ATXN1: variants seen among roughly 807,000 people sequenced by gnomAD.
ATXN1 encodes ataxin-1.
Under a neutral mutation model 56.4 loss-of-function variants are expected in ATXN1, and 8 were observed. The ratio of observed to expected loss-of-function variants is 0.14; its 90% CI spans 0.08 to 0.26. ATXN1 has a LOEUF of 0.26. Ranked by LOEUF, ATXN1 falls within the 10% of genes least tolerant of loss-of-function variation. ATXN1 has a pLI of 1.00. For missense variants in ATXN1, 987 were observed against 1,106.5 expected, an observed-to-expected ratio of 0.89 and a Z score of 1.53; for synonymous variants, 514 against 494.6, an observed-to-expected ratio of 1.04 and a Z score of -0.52.
rs550768407 is a variant in ATXN1 at position 16,464,857 on chromosome 6, C to T, written c.-161+21115G>A. 1.5e-4 allele frequency among the ~76,000 whole-genome samples: 23 copies of T among 151,580 alleles called. 1 individual carries two copies. The South Asian group carries it at 3.5e-3, about 23-fold the overall frequency. ...TATTTGTCAAACACAGAATGTACAA[C>T]AGGAAGAATGAACTCTAACATGAAC... On this transcript the variant is annotated intron_variant, in intron 6 of 7. Transcript: ENST00000436367.
chr6:16,357,151 A>G (rs1383970473), intron 6 of ATXN1, among the ~76,000 whole-genome samples: 1 of 152,188 alleles, frequency 6.6e-6, no homozygotes, highest in Non-Finnish European at 1.5e-5. Context: ...CTTATTTTAT[A>G]GGTGGCGAAA....
chr6:16,615,860 C>G (rs1410837464), intron 3 of ATXN1: 4 of 151,706 alleles, frequency 2.6e-5, no homozygotes, highest in Non-Finnish European at 4.4e-5. Context: ...TGGTGAAACT[C>G]CGTCTCTACT....
chr6:16,666,334 G>GAAT (rs1758423345), intron 2 of ATXN1, among the ~76,000 whole-genome samples: 1 of 152,138 alleles, frequency 6.6e-6, no homozygotes, highest in Admixed American at 6.5e-5. Flanking sequence ...TTGTATGGCT[G>GAAT]AATAATATTC....
intron 6 of ATXN1, among the ~76,000 whole-genome samples, chr6:16,346,983 C>T (rs185051212): frequency 2.6e-5 from 4 of 152,276 alleles, no homozygotes; most frequent in South Asian, 2.1e-4. Context: ...GGAGCAGCGG[C>T]GGACCCCGCC....
chr6:16,623,982 A>C (rs1363609130), intron 3 of ATXN1, among the ~76,000 whole-genome samples: 1 of 152,214 alleles, frequency 6.6e-6, no homozygotes, highest in Admixed American at 6.5e-5. Context: ...ATGGAAAAGC[A>C]GTTGCCAAGG....
chr6:16,403,880 T>C (rs393740), intron 6 of ATXN1, among the ~76,000 whole-genome samples: 1 of 151,740 alleles, frequency 6.6e-6, no homozygotes, highest in Non-Finnish European at 1.5e-5. Context: ...ATACTCTCCC[T>C]GCTATGGTTA....
At chr6:16,474,580 T>C (rs1379454052) in intron 6 of ATXN1, among the ~76,000 whole-genome samples, 1 of 152,186 alleles carries the variant, frequency 6.6e-6, no homozygotes, top group Non-Finnish European at 1.5e-5. Context: ...GGATGGCTTG[T>C]TACACAGTAT....
At chr6:16,352,584 T>C (rs1207125132) in intron 6 of ATXN1, among the ~76,000 whole-genome samples, 2 of 152,062 alleles carry the variant, frequency 1.3e-5, no homozygotes, top group Non-Finnish European at 2.9e-5. Flanking sequence ...AGCAAGGGAA[T>C]TTAAAGGAAA....
At chr6:16,755,834 A>G (rs1300955620) in intron 1 of ATXN1, among the ~76,000 whole-genome samples, 2 of 152,088 alleles carry the variant, frequency 1.3e-5, no homozygotes, top group Non-Finnish European at 2.9e-5. Context: ...CTGGAAAGTA[A>G]TTTTCAGGTA....
At chr6:16,693,087 C>A (rs1317035930) in intron 2 of ATXN1, among the ~76,000 whole-genome samples, 1 of 152,162 alleles carries the variant, frequency 6.6e-6, no homozygotes, top group Non-Finnish European at 1.5e-5. Flanking sequence ...GGCCTCAGCT[C>A]TGAAGATGAG....
chr6:16,683,923 A>G (rs3828865), intron 2 of ATXN1, among the ~76,000 whole-genome samples: 124,520 of 152,204 alleles, frequency 0.82, 51,138 homozygotes, highest in African/African-American at 0.85. Flanking sequence ...CAGTGCCTCC[A>G]GCAGTGGCAC....
At chr6:16,543,232 C>T (rs1581833798) in intron 4 of ATXN1, among the ~76,000 whole-genome samples, 1 of 152,192 alleles carries the variant, frequency 6.6e-6, no homozygotes, top group African/African-American at 2.4e-5. Flanking sequence ...CACCACCTCT[C>T]ATTCTGTGCG....
intron 6 of ATXN1, among the ~76,000 whole-genome samples, chr6:16,383,875 A>C (rs1758185126): frequency 6.6e-6 from 1 of 152,220 alleles, no homozygotes; most frequent in African/African-American, 2.4e-5. Flanking sequence ...TGCTCTCATG[A>C]GATTTGGTCA....
At chr6:16,437,239 G>A (rs1416325045) in intron 6 of ATXN1, among the ~76,000 whole-genome samples, 1 of 152,216 alleles carries the variant, frequency 6.6e-6, no homozygotes, top group Non-Finnish European at 1.5e-5. Context: ...GAAACCAGAG[G>A]CTGCTACTTT....
rs1177230984 is a variant in ATXN1, at chr6:16,304,597, G to A, written c.*1732C>T. ...GTTTCTAAGAGCCCGCTAAGACCTG[G>A]CTTTTTGTGACAGATGTGGTAAAAA... On this transcript the variant is annotated 3_prime_UTR_variant, in exon 8 of 8. Transcript: ENST00000436367. The A allele has an allele frequency of 6.6e-6, 1 of 152,552 alleles. No individual in the cohort carries two copies. The highest frequency in any genetic ancestry group is 2.4e-5 in the African/African-American group (1 of 41,428). 9.4% of individuals were successfully genotyped at this position (152,552 alleles called of 1,614,324 possible). A position where few individuals can be genotyped will look rare whatever the true frequency, so the allele number is the denominator to read the frequency against.
chr6:16,347,366 C>T (rs894212696), intron 6 of ATXN1, among the ~76,000 whole-genome samples: 1 of 152,372 alleles, frequency 6.6e-6, no homozygotes, highest in East Asian at 1.9e-4. Flanking sequence ...AATCAGCACT[C>T]TATATCTAGC....
intron 6 of ATXN1, among the ~76,000 whole-genome samples, chr6:16,418,820 T>A (rs1758971290): frequency 6.6e-6 from 1 of 150,688 alleles, no homozygotes; most frequent in Non-Finnish European, 1.5e-5. Context: ...CTAATAATTG[T>A]AGGTGTTAAT....
intron 7 of ATXN1, among the ~76,000 whole-genome samples, chr6:16,310,899 CTTCT>C (rs923444299): frequency 1.3e-5 from 2 of 152,198 alleles, no homozygotes; most frequent in African/African-American, 4.8e-5. Flanking sequence ...TCTACTTCAT[CTTCT>C]TTGTTTCCTT....
chr6:16,524,111 C>T (rs573287053), intron 4 of ATXN1, among the ~76,000 whole-genome samples: 2 of 152,258 alleles, frequency 1.3e-5, no homozygotes, highest in African/African-American at 2.4e-5. Flanking sequence ...GGCATGTGGC[C>T]GGCCACCAGG....
Sources: gnomAD v4.1 joint callset for allele counts (sites outside exome capture counted in the v4.1 genomes callset) on GRCh38, gnomAD v4.1.1 for gene constraint, MANE v1.5 for transcripts, NCBI Gene and HGNC (gene_info 2026-07-23, HGNC 2026-07-21) for gene names.